Variants in FOXP2 observed in about 807,000 individuals in gnomAD.
FOXP2 encodes forkhead box protein P2.
FOXP2 carries 12 observed loss-of-function variants against 115.8 expected under a neutral mutation model. The observed-to-expected ratio is 0.10, with a 90% CI of 0.07 to 0.17. FOXP2 has a LOEUF of 0.17. FOXP2 is among the 10% of genes least tolerant of loss of function. FOXP2 has a pLI of 1.00. For missense variants in FOXP2, 629 were observed against 843.5 expected (o/e 0.75, Z 3.15); for synonymous variants, 328 against 297.7 (o/e 1.10, Z -1.05).
chr7:114,134,939 T>G (rs1161959345), intron 1 of FOXP2, among the ~76,000 whole-genome samples: 1 of 152,236 alleles, frequency 6.6e-6, no homozygotes, highest in Non-Finnish European at 1.5e-5. Flanking sequence ...TAAATATGTA[T>G]CACAGTTAAT....
intron 3 of FOXP2, among the ~76,000 whole-genome samples, chr7:114,573,973 T>C (rs1801447345): frequency 6.6e-6 from 1 of 151,782 alleles, no homozygotes; most frequent in African/African-American, 2.4e-5. Flanking sequence ...AAATATTTTT[T>C]CATAGGGTTT....
chr7:114,680,223 A>G (rs750538866), intron 16 of FOXP2, among the ~76,000 whole-genome samples: 3 of 152,230 alleles, frequency 2.0e-5, no homozygotes, highest in Non-Finnish European at 2.9e-5. Flanking sequence ...AGCAAGAAAC[A>G]TAAATTGGTG....
intron 1 of FOXP2, among the ~76,000 whole-genome samples, chr7:114,184,313 A>G (rs1793536361): frequency 2.0e-5 from 3 of 152,260 alleles, no homozygotes; most frequent in South Asian, 4.1e-4. Flanking sequence ...AACGTAGTTT[A>G]CTCAAAATGG....
intron 9 of FOXP2, chr7:114,653,403 A>G: frequency 6.0e-6 from 1 of 167,252 alleles, no homozygotes. Context: ...ACTCCGTGGC[A>G]GAGTTCAGCG....
At chr7:114,360,609 A>T (rs1045410962) in intron 2 of FOXP2, among the ~76,000 whole-genome samples, 2 of 152,124 alleles carry the variant, frequency 1.3e-5, no homozygotes, top group Admixed American at 1.3e-4. Context: ...TTAACCCAGG[A>T]AGTTTGGTTT....
At chr7:114,408,654 G>A (rs1347318514) in intron 2 of FOXP2, among the ~76,000 whole-genome samples, 1 of 152,084 alleles carries the variant, frequency 6.6e-6, no homozygotes, top group Non-Finnish European at 1.5e-5. Flanking sequence ...TTGAACCTGG[G>A]AGGCAGAGGT....
intron 1 of FOXP2, among the ~76,000 whole-genome samples, chr7:114,179,318 G>A (rs1390107391): frequency 6.6e-6 from 1 of 151,844 alleles, no homozygotes; most frequent in Non-Finnish European, 1.5e-5. Context: ...TTTCATTATT[G>A]AGATGAATAC....
At chr7:114,257,334 A>G (rs1795641076) in intron 1 of FOXP2, among the ~76,000 whole-genome samples, 1 of 152,176 alleles carries the variant, frequency 6.6e-6, no homozygotes. Context: ...CCCAAACTAT[A>G]AAAACCCTAG....
At chr7:114,341,772 T>A (rs1219150782) in intron 2 of FOXP2, among the ~76,000 whole-genome samples, 1 of 151,362 alleles carries the variant, frequency 6.6e-6, no homozygotes, top group Non-Finnish European at 1.5e-5. Context: ...TTTTAAGGAA[T>A]CTTTTCCCCT....
intron 1 of FOXP2, among the ~76,000 whole-genome samples, chr7:114,262,219 T>C (rs1795772751): frequency 6.6e-6 from 1 of 150,768 alleles, no homozygotes; most frequent in African/African-American, 2.4e-5. Flanking sequence ...AGGTCAGGAG[T>C]TCAAGACCAG....
At chr7:114,210,945 A>G (rs1309292939) in intron 1 of FOXP2, among the ~76,000 whole-genome samples, 1 of 152,016 alleles carries the variant, frequency 6.6e-6, no homozygotes, top group Non-Finnish European at 1.5e-5. Flanking sequence ...GTTGTGCTGC[A>G]TTGTGGGGTC....
chr7:114,617,623 G>A (rs1277319747), intron 3 of FOXP2, among the ~76,000 whole-genome samples: 5 of 152,006 alleles, frequency 3.3e-5, no homozygotes, highest in East Asian at 1.9e-4. Context: ...GTGAAACCCC[G>A]TCTCTACAAA....
At chr7:114,539,160 A>G (rs1266904783) in intron 3 of FOXP2, among the ~76,000 whole-genome samples, 1 of 151,904 alleles carries the variant, frequency 6.6e-6, no homozygotes, top group African/African-American at 2.4e-5. Context: ...CTGAAATTCC[A>G]TATCATATGT....
intron 2 of FOXP2, among the ~76,000 whole-genome samples, chr7:114,516,583 CA>C (rs1455332308): frequency 6.6e-6 from 1 of 151,966 alleles, no homozygotes; most frequent in Non-Finnish European, 1.5e-5. Context: ...GAGAAACTTC[CA>C]TACTGTTTTC....
At chr7:114,364,903 T>C (rs1791841950) in intron 2 of FOXP2, among the ~76,000 whole-genome samples, 1 of 152,152 alleles carries the variant, frequency 6.6e-6, no homozygotes. Flanking sequence ...AATTTAGTAT[T>C]GTCTTGATAT....
At chr7:114,376,894 C>A (rs903057714) in intron 2 of FOXP2, among the ~76,000 whole-genome samples, 61 of 152,224 alleles carry the variant, frequency 4.0e-4, no homozygotes, top group African/African-American at 1.4e-3. Flanking sequence ...TTATGAAAGG[C>A]CTCTTTTTTA....
rs114153049 is a variant in FOXP2 at position 114,324,699 on chromosome 7, A to T, written c.-11+36590A>T. Among the ~76,000 whole-genome samples, 824 of 152,004 alleles carry T rather than the reference A, an allele frequency of 5.4e-3. 9 individuals carry two copies. The highest frequency in any genetic ancestry group is 0.019 in the African/African-American group (784 of 41,542). ...ATCTCACTACAGAAATGGTATTATT[A>T]TATCATCATTTTACCTTTATACTCT... On this transcript the variant is annotated intron_variant, in intron 2 of 17. Transcript: ENST00000634411.
At chr7:114,358,132 A>T (rs1049964093) in intron 2 of FOXP2, among the ~76,000 whole-genome samples, 2 of 152,134 alleles carry the variant, frequency 1.3e-5, no homozygotes, top group Non-Finnish European at 2.9e-5. Context: ...TGCTGTTCTC[A>T]TGATAGTGGA....
intron 1 of FOXP2, among the ~76,000 whole-genome samples, chr7:114,127,076 T>A (rs1360279297): frequency 6.6e-6 from 1 of 152,184 alleles, no homozygotes; most frequent in Non-Finnish European, 1.5e-5. Context: ...AAGACCTGTT[T>A]CATTCCAATC....
Sources: allele counts gnomAD v4.1 joint callset (sites outside exome capture counted in the v4.1 genomes callset), GRCh38; gene constraint gnomAD v4.1.1; transcripts MANE v1.5; gene names NCBI Gene and HGNC (gene_info 2026-07-23, HGNC 2026-07-21).